The following FHIP1A variants were observed in gnomAD, a reference collection of about 807,000 sequenced individuals.
FHIP1A encodes the protein FHF complex subunit HOOK interacting protein 1A, also known as FHF complex subunit HOOK-interacting protein 1A.
In FHIP1A, 61 loss-of-function variants were observed where a neutral mutation model predicts 88.6. The ratio of observed to expected loss-of-function variants is 0.69; its 90% CI spans 0.56 to 0.85. The LOEUF (loss-of-function observed/expected upper bound fraction) is 0.85. FHIP1A is among the 40% of genes least tolerant of loss of function. The probability of loss-of-function intolerance (pLI) is 0.00; values close to 1 mark genes in which losing one functional copy is unlikely to be tolerated. For synonymous variants in FHIP1A, 478 were observed against 496.0 expected, an observed-to-expected ratio of 0.96 and a Z score of 0.48; for missense variants, 1,154 against 1,273.5, an observed-to-expected ratio of 0.91 and a Z score of 1.43.
At chr4:151,620,276 G>A (rs1197973602) in intron 7 of FHIP1A, among the ~76,000 whole-genome samples, 3 of 152,230 alleles carry the variant, frequency 2.0e-5, no homozygotes, top group East Asian at 1.9e-4. Context: ...GCATGGGGCT[G>A]TGTCCACCCA....
At chr4:151,568,888 A>G (rs1733492709) in intron 4 of FHIP1A, among the ~76,000 whole-genome samples, 2 of 152,192 alleles carry the variant, frequency 1.3e-5, no homozygotes, top group African/African-American at 4.8e-5. Flanking sequence ...TGGTACATAT[A>G]AAAGAGGGGA....
chr4:151,612,374 A>G (rs1013880817), intron 7 of FHIP1A, among the ~76,000 whole-genome samples: 1 of 151,882 alleles, frequency 6.6e-6, no homozygotes, highest in African/African-American at 2.4e-5. Context: ...GGGTACCCAT[A>G]TGTTTTTGTT....
At chr4:151,452,061 T>C (rs927147201) in intron 1 of FHIP1A, among the ~76,000 whole-genome samples, 2 of 152,194 alleles carry the variant, frequency 1.3e-5, no homozygotes, top group African/African-American at 4.8e-5. Context: ...GCTCAAGCAA[T>C]CCTCTTGCCT....
chr4:151,626,385 A>C (rs1039190300), intron 7 of FHIP1A, among the ~76,000 whole-genome samples: 4 of 152,318 alleles, frequency 2.6e-5, no homozygotes, highest in Non-Finnish European at 5.9e-5. Context: ...TTTATTTCCA[A>C]GGATGGACTA....
intron 4 of FHIP1A, among the ~76,000 whole-genome samples, chr4:151,571,462 C>A (rs1733599620): frequency 1.3e-5 from 2 of 152,172 alleles, no homozygotes. Context: ...ACAGAACCAT[C>A]TAGATTGGTT....
At chr4:151,523,471 G>A (rs958947345) in intron 3 of FHIP1A, among the ~76,000 whole-genome samples, 4 of 152,166 alleles carry the variant, frequency 2.6e-5, no homozygotes, top group Non-Finnish European at 4.4e-5. Context: ...TAGGGATCCC[G>A]AAGGGAATGG....
At chr4:151,578,762 T>A (rs1578776268) in intron 5 of FHIP1A, among the ~76,000 whole-genome samples, 2 of 152,220 alleles carry the variant, frequency 1.3e-5, no homozygotes, top group Non-Finnish European at 2.9e-5. Flanking sequence ...CCTAAAGGTG[T>A]TGAAAACTTA....
chr4:151,567,893 T>A (rs1733448408), intron 4 of FHIP1A, among the ~76,000 whole-genome samples: 2 of 152,224 alleles, frequency 1.3e-5, no homozygotes, highest in African/African-American at 4.8e-5. Context: ...TCTATCTTAC[T>A]ACGTAATCTT....
At chr4:151,475,611 T>C (rs1729670236) in intron 2 of FHIP1A, among the ~76,000 whole-genome samples, 1 of 152,054 alleles carries the variant, frequency 6.6e-6, no homozygotes, top group East Asian at 1.9e-4. Flanking sequence ...GAGAGGCCAT[T>C]GTGGCTGAAG....
At chr4:151,466,360 T>A (rs942507405) in intron 2 of FHIP1A, among the ~76,000 whole-genome samples, 2 of 152,240 alleles carry the variant, frequency 1.3e-5, no homozygotes, top group African/African-American at 4.8e-5. Flanking sequence ...AAACGTTCCA[T>A]GCTCATGGAT....
intron 7 of FHIP1A, among the ~76,000 whole-genome samples, chr4:151,623,784 C>T (rs1735843072): frequency 6.6e-6 from 1 of 152,076 alleles, no homozygotes; most frequent in Admixed American, 6.6e-5. Context: ...GCTCCAAAGC[C>T]TCTCCTTTTT....
chr4:151,515,643 T>G (rs1320847237), intron 3 of FHIP1A, among the ~76,000 whole-genome samples: 5 of 152,248 alleles, frequency 3.3e-5, no homozygotes, highest in Non-Finnish European at 7.4e-5. Flanking sequence ...ATCACAAGCA[T>G]TCTTATACAC....
At chr4:151,552,945 C>T (rs923558335) in intron 3 of FHIP1A, among the ~76,000 whole-genome samples, 1 of 152,030 alleles carries the variant, frequency 6.6e-6, no homozygotes, top group Non-Finnish European at 1.5e-5. Context: ...GTACATAACC[C>T]TGTAAAAATA....
intron 7 of FHIP1A, among the ~76,000 whole-genome samples, chr4:151,627,722 G>A (rs771082594): frequency 2.6e-5 from 4 of 151,446 alleles, no homozygotes; most frequent in Non-Finnish European, 4.4e-5. Flanking sequence ...GGTGACATCA[G>A]TTATTACAGA....
rs904061066 is a variant in FHIP1A at position 151,665,941 on chromosome 4, G to A, written c.*3187G>A. Among the ~76,000 whole-genome samples the A allele has an allele frequency of 5.9e-5, 9 of 152,294 alleles. No individual in the cohort carries two copies. Among genetic ancestry groups the A allele is most frequent in the Middle Eastern group, 3.4e-3 (1 of 294 alleles). On this transcript the variant is annotated 3_prime_UTR_variant, in exon 14 of 14. Transcript: ENST00000435205. Reference sequence around the variant, plus strand: ...GGAAGAGAAACCGTGGGTACCGCCCGCTGGCGCAGCCCCTGAGCTGGCGTC... The same window carrying A: ...GGAAGAGAAACCGTGGGTACCGCCCACTGGCGCAGCCCCTGAGCTGGCGTC...
At chr4:151,520,811 A>G (rs1731419564) in intron 3 of FHIP1A, among the ~76,000 whole-genome samples, 1 of 152,198 alleles carries the variant, frequency 6.6e-6, no homozygotes, top group South Asian at 2.1e-4. Context: ...TTACTATTAT[A>G]CTAGTAACTA....
chr4:151,446,808 T>C (rs1728626509), intron 1 of FHIP1A, among the ~76,000 whole-genome samples: 1 of 152,110 alleles, frequency 6.6e-6, no homozygotes, highest in Non-Finnish European at 1.5e-5. Context: ...TTGTGGTGCT[T>C]GGTGCTTGTG....
chr4:151,634,099 C>A (rs555820051), intron 8 of FHIP1A, among the ~76,000 whole-genome samples: 1 of 151,602 alleles, frequency 6.6e-6, no homozygotes, highest in Non-Finnish European at 1.5e-5. Flanking sequence ...ACAAAGTCAA[C>A]GCACATAAGT....
intron 1 of FHIP1A, among the ~76,000 whole-genome samples, chr4:151,437,961 C>A (rs1216701939): frequency 6.6e-6 from 1 of 152,096 alleles, no homozygotes; most frequent in Non-Finnish European, 1.5e-5. Context: ...TTATTCAAGT[C>A]ATGATTCTAA....
Sources: allele counts gnomAD v4.1 joint callset (sites outside exome capture counted in the v4.1 genomes callset), GRCh38; gene constraint gnomAD v4.1.1; transcripts MANE v1.5; gene names NCBI Gene and HGNC (gene_info 2026-07-23, HGNC 2026-07-21).